The following CTTNBP2 variants were observed in gnomAD, a reference collection of about 807,000 sequenced individuals.
CTTNBP2 encodes cortactin binding protein 2.
In CTTNBP2, 108 loss-of-function variants were observed where a neutral mutation model predicts 156.9. The ratio of observed to expected loss-of-function variants is 0.69; its 90% CI spans 0.59 to 0.81. CTTNBP2 has a LOEUF of 0.81. Ranked by LOEUF, CTTNBP2 falls within the 30% of genes least tolerant of loss-of-function variation. CTTNBP2 has a pLI of 0.00. For missense variants in CTTNBP2, 1,924 were observed against 2,035.4 expected (o/e 0.95, Z 1.05); for synonymous variants, 767 against 751.8 (o/e 1.02, Z -0.33).
intron 3 of CTTNBP2, among the ~76,000 whole-genome samples, chr7:117,806,374 A>C (rs998406783): frequency 5.3e-5 from 8 of 152,234 alleles, no homozygotes; most frequent in Non-Finnish European, 1.0e-4. Flanking sequence ...AATTACAGCC[A>C]TTTATAAATT....
Position 117,810,936 on chromosome 7 carries a change from A to T in CTTNBP2, c.243T>A (p.Asn81Lys), listed in dbSNP as rs753031773. The change falls in exon 3 of 23, where the codon AAT (asparagine) becomes AAA (lysine). Residue 81 changes from asparagine (N) to lysine (K), a missense_variant. Asn to Lys is a moderately conservative substitution (Grantham distance 94). Coordinates refer to ENST00000160373, the MANE Select transcript of CTTNBP2 (RefSeq NM_033427.3). ...IQERYGRFNL[N>K]DPFLALQRDY... ...CTCTCTGGAGTGCCAGGAACGGGTC[A>T]TTTAGATTAAATCTCCCATACCGTT... 23 of 1,614,142 alleles carry T rather than the reference A, an allele frequency of 1.4e-5. No homozygotes were observed. The East Asian group carries it at 4.9e-4, about 34-fold the overall frequency.
rs1188145304 is a variant in CTTNBP2, at chr7:117,772,648, GT to G, written c.2778+4862del. On this transcript the variant is annotated intron_variant, in intron 8 of 22. Coordinates refer to ENST00000160373, the MANE Select transcript of CTTNBP2 (RefSeq NM_033427.3). ...TTGTACTGAGAAAACTGGAAAGTTT[GT>G]TCCCCTGGTTACCAAGGAAAGCACC... Among the ~76,000 whole-genome samples the G allele has an allele frequency of 2.6e-5, 4 of 152,172 alleles. No homozygotes were observed. In the East Asian group the frequency reaches 7.7e-4, roughly 29 times the overall value.
At chr7:117,825,059 C>T (rs1167097132) in intron 2 of CTTNBP2, among the ~76,000 whole-genome samples, 1 of 152,116 alleles carries the variant, frequency 6.6e-6, no homozygotes, top group Non-Finnish European at 1.5e-5. Flanking sequence ...ATTTACTGCC[C>T]AGCTGGTTGC....
chr7:117,734,775 G>GT lies in CTTNBP2; in HGVS notation c.3876+137dup, dbSNP rs1048386869. 5.5e-4 allele frequency: 300 copies of GT among 549,036 alleles called. 1 individual carries two copies. The highest frequency in any genetic ancestry group is 1.5e-3 in the Middle Eastern group (3 of 2,048). The allele number at this position is 549,036 out of a possible 1,614,324, so 34.0% of individuals were successfully genotyped here. ...TTGTTATGGGTTTCACATTCATTAT[G>GT]TTTTTTGGCCCTTGAATGTCAAAAA... On this transcript the variant is annotated intron_variant, in intron 16 of 22. Coordinates refer to ENST00000160373, the MANE Select transcript of CTTNBP2 (RefSeq NM_033427.3).
At chr7:117,793,292 G>A (rs1387500294) in intron 3 of CTTNBP2, 1 of 152,178 alleles carries the variant, frequency 6.6e-6, no homozygotes, top group Non-Finnish European at 1.5e-5. Context: ...AGCTTCCTAT[G>A]ATGAGTTGTT....
chr7:117,721,901 A>G (rs1180098706), intron 19 of CTTNBP2, among the ~76,000 whole-genome samples: 1 of 152,240 alleles, frequency 6.6e-6, no homozygotes, highest in African/African-American at 2.4e-5. Context: ...TTTTAGACTC[A>G]ATGTTATGAA....
intron 8 of CTTNBP2, 111 bp downstream of exon 8, chr7:117,777,400 G>A (rs1469186599): frequency 3.7e-6 from 4 of 1,084,432 alleles, no homozygotes; most frequent in South Asian, 1.6e-5. Context: ...ATCTGCAATT[G>A]TATCACTCAG....
intron 2 of CTTNBP2, among the ~76,000 whole-genome samples, chr7:117,834,216 G>A (rs1801791671): frequency 6.6e-6 from 1 of 151,932 alleles, no homozygotes; most frequent in Non-Finnish European, 1.5e-5. Context: ...TACCACACCT[G>A]GCTAATTTTT....
chr7:117,817,347 AAAAAAAAAAAAAAAAT>A (rs1486995360), intron 2 of CTTNBP2, among the ~76,000 whole-genome samples: 17 of 48,434 alleles, frequency 3.5e-4, no homozygotes, highest in African/African-American at 1.2e-3. Context: ...AAAAAAAAAA[AAAAAAAAAAAAAAAAT>A]ATATATATAT....
intron 2 of CTTNBP2, among the ~76,000 whole-genome samples, chr7:117,851,560 T>A (rs537043021): frequency 6.6e-6 from 1 of 152,378 alleles, no homozygotes; most frequent in South Asian, 2.1e-4. Context: ...ACACTGTTTT[T>A]ACCACATCTG....
chr7:117,863,322 A>G (rs1484016428), intron 1 of CTTNBP2, among the ~76,000 whole-genome samples: 2 of 152,262 alleles, frequency 1.3e-5, no homozygotes, highest in Non-Finnish European at 2.9e-5. Context: ...AATCATGTAT[A>G]GTTCTGAAGA....
chr7:117,845,206 A>G (rs1253025452), intron 2 of CTTNBP2, among the ~76,000 whole-genome samples: 1 of 152,210 alleles, frequency 6.6e-6, no homozygotes, highest in Non-Finnish European at 1.5e-5. Context: ...AATTGCAGCA[A>G]TAGTTCATGG....
rs143587385 is a variant in CTTNBP2 at position 117,870,175 on chromosome 7, G to A, written c.81+3160C>T. On this transcript the variant is annotated intron_variant, in intron 1 of 22. Coordinates refer to ENST00000160373, the MANE Select transcript of CTTNBP2 (RefSeq NM_033427.3). Reference sequence around the variant, plus strand: ...ATCATCCCCAATTTGATTCCTTGGCGTATGTCAGTTTCTATCACTGGAATG... The same window carrying A: ...ATCATCCCCAATTTGATTCCTTGGCATATGTCAGTTTCTATCACTGGAATG... 4.3e-4 allele frequency among the ~76,000 whole-genome samples: 65 copies of A among 152,248 alleles called. No homozygotes were observed. In the Middle Eastern group the frequency reaches 0.01, roughly 24 times the overall value.
chr7:117,782,836 G>GA, intron 6 of CTTNBP2, 26 bp downstream of exon 6: 6 of 1,555,896 alleles, frequency 3.9e-6, no homozygotes, highest in Non-Finnish European at 5.3e-6. Context: ...TTGATGGTGG[G>GA]AAAAAAAGAA....
chr7:117,783,297 C>G (rs1798532470), intron 5 of CTTNBP2, among the ~76,000 whole-genome samples: 1 of 152,184 alleles, frequency 6.6e-6, no homozygotes, highest in African/African-American at 2.4e-5. Context: ...TTCCAACAGT[C>G]TATCCCAGAA....
At chr7:117,839,607 G>A (rs1802157712) in intron 2 of CTTNBP2, among the ~76,000 whole-genome samples, 1 of 152,156 alleles carries the variant, frequency 6.6e-6, no homozygotes, top group African/African-American at 2.4e-5. Flanking sequence ...GCCCCATGGT[G>A]AATTTAATAA....
intron 3 of CTTNBP2, among the ~76,000 whole-genome samples, chr7:117,810,217 C>G (rs972324902): frequency 1.3e-5 from 2 of 152,162 alleles, no homozygotes; most frequent in African/African-American, 4.8e-5. Flanking sequence ...AGAGGTGAGT[C>G]TGACACTAAC....
chr7:117,821,802 G>C (rs1800985671), intron 2 of CTTNBP2, among the ~76,000 whole-genome samples: 1 of 152,050 alleles, frequency 6.6e-6, no homozygotes, highest in African/African-American at 2.4e-5. Context: ...GTGTTAGCCA[G>C]GATGGTCTCG....
intron 3 of CTTNBP2, among the ~76,000 whole-genome samples, chr7:117,810,415 C>A (rs972676164): frequency 6.6e-6 from 1 of 152,134 alleles, no homozygotes; most frequent in African/African-American, 2.4e-5. Context: ...ATCAAAGAGT[C>A]CTGGTTGCAT....
Sources: gnomAD v4.1 joint callset for allele counts (sites outside exome capture counted in the v4.1 genomes callset) on GRCh38, gnomAD v4.1.1 for gene constraint, MANE v1.5 for transcripts, NCBI Gene and HGNC (gene_info 2026-07-23, HGNC 2026-07-21) for gene names.